The following FHIT variants were observed in gnomAD, a reference collection of about 807,000 sequenced individuals.
FHIT encodes the protein fragile histidine triad diadenosine triphosphatase.
A neutral mutation model predicts 17.9 loss-of-function variants in FHIT; 19 were observed. The ratio of observed to expected loss-of-function variants is 1.06; its 90% CI spans 0.74 to 1.56. The LOEUF is 1.56. FHIT is among the 40% of genes most tolerant of loss of function. The pLI is 0.00. For missense variants in FHIT, 248 were observed against 189.2 expected (o/e 1.31, Z -1.82); for synonymous variants, 81 against 69.7 (o/e 1.16, Z -0.81).
intron 5 of FHIT, among the ~76,000 whole-genome samples, chr3:60,489,906 T>C (rs9817511): frequency 0.096 from 14,669 of 152,058 alleles, 1,127 homozygotes; most frequent in East Asian, 0.39. Flanking sequence ...GTCATCTGCT[T>C]GGAGTTTTTA....
intron 3 of FHIT, among the ~76,000 whole-genome samples, chr3:60,996,813 C>T (rs2030708939): frequency 6.6e-6 from 1 of 152,160 alleles, no homozygotes; most frequent in South Asian, 2.1e-4. Flanking sequence ...CACCACTATG[C>T]CTGAAAGTTA....
intron 5 of FHIT, among the ~76,000 whole-genome samples, chr3:60,377,675 G>T (rs1417751821): frequency 1.3e-5 from 2 of 148,592 alleles, no homozygotes; most frequent in African/African-American, 2.5e-5. Context: ...TAGAGACGGG[G>T]TTTCACCTTG....
intron 3 of FHIT, among the ~76,000 whole-genome samples, chr3:60,884,723 G>C (rs1705133818): frequency 6.6e-6 from 1 of 151,852 alleles, no homozygotes; most frequent in Non-Finnish European, 1.5e-5. Context: ...TTGAGCCCAG[G>C]AGTTTGAGAC....
At chr3:60,784,322 C>A (rs1234833206) in intron 4 of FHIT, among the ~76,000 whole-genome samples, 2 of 149,680 alleles carry the variant, frequency 1.3e-5, no homozygotes, top group Non-Finnish European at 3.0e-5. Flanking sequence ...CTACCCAGAT[C>A]TTTTTCCTTC....
At chr3:60,048,901 T>C (rs111826657) in intron 5 of FHIT, among the ~76,000 whole-genome samples, 1,834 of 152,326 alleles carry the variant, frequency 0.012, 18 homozygotes, top group Non-Finnish European at 0.019. Flanking sequence ...AATTTTGCAC[T>C]GAGTCCAGTA....
intron 4 of FHIT, among the ~76,000 whole-genome samples, chr3:60,584,237 G>A (rs1553660852): frequency 6.6e-6 from 1 of 152,036 alleles, no homozygotes; most frequent in African/African-American, 2.4e-5. Flanking sequence ...CATGGTGGGA[G>A]CATCAGCACC....
chr3:61,211,290 C>T, intron 1 of FHIT, among the ~76,000 whole-genome samples: 1 of 141,664 alleles, frequency 7.1e-6, no homozygotes, highest in East Asian at 2.3e-4. Context: ...AAAATAGGGT[C>T]ACTCCCACCC....
At chr3:60,495,142 C>T (rs1018456386) in intron 5 of FHIT, among the ~76,000 whole-genome samples, 1 of 152,108 alleles carries the variant, frequency 6.6e-6, no homozygotes, top group African/African-American at 2.4e-5. Context: ...TTGTTACTGT[C>T]TGTCTTTTGG....
chr3:59,916,655 A>G (rs1705149008), intron 8 of FHIT, among the ~76,000 whole-genome samples: 1 of 152,194 alleles, frequency 6.6e-6, no homozygotes, highest in African/African-American at 2.4e-5. Context: ...TAATAATCTG[A>G]CATAGGATAG....
chr3:60,765,455 C>T (rs192406396), intron 4 of FHIT: 2 of 151,976 alleles, frequency 1.3e-5, no homozygotes, highest in African/African-American at 4.8e-5. Context: ...CGAGTGTTGA[C>T]TGGGGAATGA....
intron 2 of FHIT, among the ~76,000 whole-genome samples, chr3:61,151,721 C>T (rs2107052008): frequency 6.6e-6 from 1 of 152,044 alleles, no homozygotes; most frequent in Admixed American, 6.5e-5. Flanking sequence ...GCACATGCGG[C>T]CAAGCTTGGC....
At chr3:60,839,590 G>GA (rs1264162143) in intron 3 of FHIT, among the ~76,000 whole-genome samples, 11 of 151,276 alleles carry the variant, frequency 7.3e-5, no homozygotes, top group African/African-American at 1.5e-4. Flanking sequence ...CAGTGGCTGA[G>GA]AAAAAAAAAT....
intron 5 of FHIT, among the ~76,000 whole-genome samples, chr3:60,408,324 A>T: frequency 6.6e-6 from 1 of 152,074 alleles, no homozygotes; most frequent in East Asian, 1.9e-4. Context: ...ATGCCAACAA[A>T]GTCCCATTGT....
intron 5 of FHIT, among the ~76,000 whole-genome samples, chr3:60,250,933 A>G (rs1032393109): frequency 2.6e-5 from 4 of 152,148 alleles, no homozygotes; most frequent in African/African-American, 9.7e-5. Context: ...CCAAAAACTC[A>G]TTGTCTGAGT....
In FHIT at chr3:61,118,141, A is replaced by G. The variant is rs576576876; in HGVS notation, c.-163-76042T>C. Among the ~76,000 whole-genome samples, 7 of 152,320 alleles carry G rather than the reference A, an allele frequency of 4.6e-5. No individual in the cohort carries two copies. In the East Asian group the frequency reaches 1.3e-3, roughly 29 times the overall value. On this transcript the variant is annotated intron_variant, in intron 2 of 9. Coordinates refer to ENST00000492590, the MANE Select transcript of FHIT (RefSeq NM_002012.4). Reference sequence around the variant, plus strand: ...TTGTAGTATAATTTGGTTTGAAAGCAAGGTCCAACATTTTATTACCTCCAA... The same window carrying G: ...TTGTAGTATAATTTGGTTTGAAAGCGAGGTCCAACATTTTATTACCTCCAA...
At chr3:59,965,092 A>G (rs373240787) in intron 7 of FHIT, among the ~76,000 whole-genome samples, 6 of 152,170 alleles carry the variant, frequency 3.9e-5, no homozygotes, top group East Asian at 1.9e-4. Flanking sequence ...ATAACTAATT[A>G]TAGGAGAGTT....
chr3:60,093,482 G>A (rs1053882823), intron 5 of FHIT, among the ~76,000 whole-genome samples: 3 of 152,086 alleles, frequency 2.0e-5, no homozygotes, highest in African/African-American at 7.2e-5. Flanking sequence ...AATTCCATCT[G>A]CAACCTTAAT....
At chr3:61,120,368 T>C (rs983638859) in intron 2 of FHIT, among the ~76,000 whole-genome samples, 4 of 152,234 alleles carry the variant, frequency 2.6e-5, no homozygotes, top group African/African-American at 9.6e-5. Flanking sequence ...CTTTTTATAT[T>C]AGATGGTCAC....
chr3:60,993,849 G>A (rs1365348364), intron 3 of FHIT, among the ~76,000 whole-genome samples: 1 of 152,132 alleles, frequency 6.6e-6, no homozygotes, highest in Non-Finnish European at 1.5e-5. Context: ...ACAGGAACCT[G>A]ATCCCTCTAT....
Sources: gnomAD v4.1 joint callset for allele counts (sites outside exome capture counted in the v4.1 genomes callset) on GRCh38, gnomAD v4.1.1 for gene constraint, MANE v1.5 for transcripts, NCBI Gene and HGNC (gene_info 2026-07-23, HGNC 2026-07-21) for gene names.